EYA2: variants seen among roughly 807,000 people sequenced by gnomAD.
The protein encoded by EYA2 is EYA transcriptional coactivator and phosphatase 2.
A neutral mutation model predicts 69.2 loss-of-function variants in EYA2; 31 were observed. That is an observed-to-expected ratio of 0.45 (90% confidence interval 0.34 to 0.60). The LOEUF (loss-of-function observed/expected upper bound fraction) is 0.60, where lower values mean the gene tolerates loss of function less well. Among genes scored for constraint, EYA2 ranks in the 20% least tolerant of loss-of-function variants. The pLI, the probability that EYA2 is intolerant of heterozygous loss-of-function variation, is 0.02. For synonymous variants in EYA2, 257 were observed against 279.4 expected (o/e 0.92, Z 0.80); for missense variants, 622 against 701.2 (o/e 0.89, Z 1.28).
chr20:47,098,945 A>G (rs934405322), intron 9 of EYA2, among the ~76,000 whole-genome samples: 2 of 152,286 alleles, frequency 1.3e-5, no homozygotes, highest in Middle Eastern at 3.4e-3. Context: ...AACCTGCCAC[A>G]TTCTCTCCCA....
At chr20:47,145,402 A>G (rs1363468654) in intron 10 of EYA2, among the ~76,000 whole-genome samples, 1 of 152,184 alleles carries the variant, frequency 6.6e-6, no homozygotes, top group African/African-American at 2.4e-5. Context: ...GAGAGAAGGC[A>G]TGGAGGCCGA....
At chr20:46,966,825 A>C (rs73118011) in intron 1 of EYA2, among the ~76,000 whole-genome samples, 11 of 127,548 alleles carry the variant, frequency 8.6e-5, no homozygotes, top group African/African-American at 1.5e-4. Context: ...AAAAAAAAAA[A>C]CTGTGAAACA....
At chr20:46,942,997 C>T (rs1387809176) in intron 1 of EYA2, among the ~76,000 whole-genome samples, 4 of 152,190 alleles carry the variant, frequency 2.6e-5, no homozygotes, top group Non-Finnish European at 2.9e-5. Flanking sequence ...AACTCCTGAC[C>T]TCAAGTGATC....
intron 5 of EYA2, among the ~76,000 whole-genome samples, chr20:47,030,081 T>G (rs765750061): frequency 2.6e-5 from 4 of 152,188 alleles, no homozygotes; most frequent in Non-Finnish European, 5.9e-5. Flanking sequence ...TCCAAGACAG[T>G]GTTATTTACA....
Position 47,173,532 on chromosome 20 carries a change from AC to A in EYA2, c.1198+666del, listed in dbSNP as rs202174673. 1.5e-3 allele frequency among the ~76,000 whole-genome samples: 214 copies of A among 147,068 alleles called. 8 individuals are homozygous for A. Among genetic ancestry groups the A allele is most frequent in the African/African-American group, 5.2e-3 (203 of 39,168 alleles). ...CGTAAAAAAAAAAAAAAAAAAAAAA[AC>A]GTGCAGGGTCTCAGGCCTCATCCTG... On this transcript the variant is annotated intron_variant, in intron 12 of 15. Coordinates refer to ENST00000327619, the MANE Select transcript of EYA2 (RefSeq NM_005244.5).
At chr20:47,024,494 TC>T (rs1600649244) in intron 5 of EYA2, among the ~76,000 whole-genome samples, 1 of 152,378 alleles carries the variant, frequency 6.6e-6, no homozygotes, top group East Asian at 1.9e-4. Flanking sequence ...CTGGGTAGTT[TC>T]CTTACACCCA....
At chr20:47,058,194 G>A (rs1205691326) in intron 5 of EYA2, among the ~76,000 whole-genome samples, 2 of 152,180 alleles carry the variant, frequency 1.3e-5, no homozygotes, top group Non-Finnish European at 2.9e-5. Context: ...AGCCCAAGGA[G>A]GGATGTTTAG....
chr20:47,139,497 A>T (rs1367154161), intron 9 of EYA2, among the ~76,000 whole-genome samples: 3 of 152,142 alleles, frequency 2.0e-5, no homozygotes, highest in African/African-American at 7.2e-5. Flanking sequence ...CAGTGGCACA[A>T]TCTCGGCTCA....
At chr20:47,001,182 T>C (rs1338243713) in intron 2 of EYA2, among the ~76,000 whole-genome samples, 2 of 152,092 alleles carry the variant, frequency 1.3e-5, no homozygotes, top group Non-Finnish European at 2.9e-5. Context: ...TTCAAGGTGC[T>C]ATGGATTCTT....
At chr20:47,005,173 AAT>A in intron 4 of EYA2, 89 bp downstream of exon 4, 1 of 1,451,958 alleles carries the variant, frequency 6.9e-7, no homozygotes, top group Non-Finnish European at 9.4e-7. Flanking sequence ...AATGTGGATT[AAT>A]AGACACAACC....
rs73908722 is a variant in EYA2, at chr20:46,950,442, A to T, written c.-10-39559A>T. ...CTGGGCACTGAGTTTCCAAGATTGC[A>T]CATGGTTTGGGGTGCTGGAGCTGTG... On this transcript the variant is annotated intron_variant, in intron 1 of 15. Transcript: ENST00000327619. Among the ~76,000 whole-genome samples the T allele has an allele frequency of 7.8e-3, 1,180 of 152,226 alleles. 16 individuals carry two copies. Among genetic ancestry groups the T allele is most frequent in the African/African-American group, 0.027 (1,110 of 41,520 alleles).
intron 8 of EYA2, among the ~76,000 whole-genome samples, chr20:47,090,536 G>A (rs1046084273): frequency 1.3e-5 from 2 of 151,748 alleles, no homozygotes; most frequent in East Asian, 1.9e-4. Context: ...CGCCATGCCC[G>A]GACTTTTTTT....
At chr20:46,946,136 C>CT (rs1394593820) in intron 1 of EYA2, among the ~76,000 whole-genome samples, 1 of 152,154 alleles carries the variant, frequency 6.6e-6, no homozygotes, top group Non-Finnish European at 1.5e-5. Context: ...TATATTTGAA[C>CT]TTCTTCCTCC....
chr20:46,944,041 C>T (rs555120572), intron 1 of EYA2, among the ~76,000 whole-genome samples: 1 of 152,298 alleles, frequency 6.6e-6, no homozygotes, highest in Non-Finnish European at 1.5e-5. Context: ...CCTGGAGCCT[C>T]CCAACCCTAG....
chr20:46,925,722 T>C (rs978526764), intron 1 of EYA2, among the ~76,000 whole-genome samples: 1 of 152,042 alleles, frequency 6.6e-6, no homozygotes, highest in African/African-American at 2.4e-5. Flanking sequence ...TTAGGAGGAG[T>C]GTGTGTCACT....
At chr20:47,130,544 C>T (rs975404271) in intron 9 of EYA2, among the ~76,000 whole-genome samples, 6 of 151,776 alleles carry the variant, frequency 4.0e-5, no homozygotes, top group Non-Finnish European at 7.4e-5. Context: ...GGATTACAAG[C>T]GTGAGCCACC....
intron 1 of EYA2, among the ~76,000 whole-genome samples, chr20:46,942,492 T>C (rs1986198930): frequency 6.6e-6 from 1 of 152,184 alleles, no homozygotes; most frequent in African/African-American, 2.4e-5. Flanking sequence ...TTTAGAGACA[T>C]TTTTGTGTAG....
At chr20:47,182,628 T>TAAAAAAAAA (rs772113561) in intron 14 of EYA2, among the ~76,000 whole-genome samples, 1 of 84,340 alleles carries the variant, frequency 1.2e-5, no homozygotes, top group African/African-American at 6.5e-5. Flanking sequence ...AGACTCCGTC[T>TAAAAAAAAA]AAAAAAAAAA....
At chr20:47,170,845 A>G (rs747915059) in intron 11 of EYA2, among the ~76,000 whole-genome samples, 2 of 152,190 alleles carry the variant, frequency 1.3e-5, no homozygotes, top group African/African-American at 2.4e-5. Context: ...AGTCATTGTA[A>G]CTTTATTTAG....
Sources: allele counts gnomAD v4.1 joint callset (sites outside exome capture counted in the v4.1 genomes callset), GRCh38; gene constraint gnomAD v4.1.1; transcripts MANE v1.5; gene names NCBI Gene and HGNC (gene_info 2026-07-23, HGNC 2026-07-21).